The following FYB1 variants were observed in gnomAD, a reference collection of about 807,000 sequenced individuals.
FYB1 encodes FYN binding protein 1, also known as FYN-binding protein 1.
In FYB1, 41 loss-of-function variants were observed where a neutral mutation model predicts 94.1. That is an observed-to-expected ratio of 0.44 (90% CI 0.34 to 0.57). The LOEUF is 0.57. Ranked by LOEUF, FYB1 falls within the 20% of genes least tolerant of loss-of-function variation. The pLI, the probability that FYB1 is intolerant of heterozygous loss-of-function variation, is 0.02. For missense variants in FYB1, 1,050 were observed against 976.8 expected (o/e 1.07, Z -1.00); for synonymous variants, 367 against 353.2 (o/e 1.04, Z -0.44).
intron 16 of FYB1, among the ~76,000 whole-genome samples, chr5:39,113,341 TA>T (rs1313588675): frequency 1.3e-5 from 2 of 152,170 alleles, no homozygotes; most frequent in Non-Finnish European, 2.9e-5. Flanking sequence ...TTTAGCGCTG[TA>T]ATATTGTGAG....
intron 5 of FYB1, chr5:39,138,896 A>G: frequency 1.6e-6 from 1 of 612,160 alleles, no homozygotes; most frequent in South Asian, 1.8e-5. Context: ...CAGTAAAACA[A>G]CTATTGTATG....
intron 1 of FYB1, among the ~76,000 whole-genome samples, chr5:39,238,352 AT>A (rs1238236647): frequency 2.0e-5 from 3 of 151,868 alleles, no homozygotes; most frequent in East Asian, 1.9e-4. Context: ...AATGCATTAT[AT>A]TTTTTTAGGT....
chr5:39,204,512 A>T (rs1748669164), intron 1 of FYB1, among the ~76,000 whole-genome samples: 1 of 152,204 alleles, frequency 6.6e-6, no homozygotes, highest in South Asian at 2.1e-4. Flanking sequence ...GTTATGTAGC[A>T]ACTCCAGGCC....
At chr5:39,108,107 AT>A in intron 18 of FYB1, 123 bp downstream of exon 18, 1 of 929,134 alleles carries the variant, frequency 1.1e-6, no homozygotes, top group Non-Finnish European at 1.6e-6. Context: ...CTTTTCTAAC[AT>A]TTTCAAGTGA....
intron 18 of FYB1, among the ~76,000 whole-genome samples, 193 bp downstream of exon 18, chr5:39,108,038 T>G (rs753471913): frequency 3.3e-5 from 5 of 152,056 alleles, no homozygotes; most frequent in Non-Finnish European, 5.9e-5. Context: ...AGGTTTTTCC[T>G]TAATTTTCCA....
chr5:39,131,897 G>C (rs537957363), intron 9 of FYB1, among the ~76,000 whole-genome samples: 1 of 152,220 alleles, frequency 6.6e-6, no homozygotes, highest in East Asian at 1.9e-4. Context: ...TCCTAAAATG[G>C]CCTGTTTAGA....
Position 39,162,769 on chromosome 5 carries a change from C to T in FYB1, c.1136-9165G>A, listed in dbSNP as rs191699925. ...GAATACCTGTTTTACCATAACTTCA[C>T]TGGCATGTATATTATCACACATTTT... On this transcript the variant is annotated intron_variant, in intron 2 of 18. Transcript: ENST00000512982. 1.2e-4 allele frequency among the ~76,000 whole-genome samples: 18 copies of T among 151,654 alleles called. No individual in the cohort carries two copies. In the East Asian group the frequency reaches 2.7e-3, roughly 23 times the overall value.
intron 2 of FYB1, among the ~76,000 whole-genome samples, chr5:39,159,822 G>A (rs1744088669): frequency 6.6e-6 from 1 of 152,114 alleles, no homozygotes; most frequent in African/African-American, 2.4e-5. Context: ...ATTGCATCAA[G>A]CAAGAAACAT....
At chr5:39,166,286 A>C (rs1433194119) in intron 2 of FYB1, among the ~76,000 whole-genome samples, 1 of 152,010 alleles carries the variant, frequency 6.6e-6, no homozygotes, top group African/African-American at 2.4e-5. Context: ...AAAATACAAA[A>C]TTATCCGGGC....
At chr5:39,192,215 A>G (rs1747427994) in intron 2 of FYB1, among the ~76,000 whole-genome samples, 1 of 152,250 alleles carries the variant, frequency 6.6e-6, no homozygotes, top group African/African-American at 2.4e-5. Flanking sequence ...AAAGGAAGTC[A>G]GAAAGAGCCT....
At position 39,181,716 on chromosome 5, in the gene FYB1, C is replaced by T. The variant is rs75051705; in HGVS notation, c.1135+20110G>A. 7.9e-5 allele frequency among the ~76,000 whole-genome samples: 12 copies of T among 152,326 alleles called. No homozygotes were observed. In the East Asian group the frequency reaches 2.3e-3, roughly 29 times the overall value. On this transcript the variant is annotated intron_variant, in intron 2 of 18. Coordinates refer to ENST00000512982, the MANE Select transcript of FYB1 (RefSeq NM_001465.6). ...TAATTGTTTAAACTAGAATCTTAGG[C>T]ATCATCCTTGACACCTACTCATTCT...
At position 39,181,628 on chromosome 5, in the gene FYB1, T is replaced by G. The variant is rs184366804; in HGVS notation, c.1135+20198A>C. On this transcript the variant is annotated intron_variant, in intron 2 of 18. Coordinates refer to ENST00000512982, the MANE Select transcript of FYB1 (RefSeq NM_001465.6). ...TCAAAGATTCCTCAAATTGAACATGTTCAAAATAAAAATCATGGTCCTCCC... is the reference window on the plus strand; with the variant it reads ...TCAAAGATTCCTCAAATTGAACATGGTCAAAATAAAAATCATGGTCCTCCC... 6.6e-5 allele frequency among the ~76,000 whole-genome samples: 10 copies of G among 152,276 alleles called. No homozygotes were observed. In the East Asian group the frequency reaches 1.9e-3, roughly 29 times the overall value.
At chr5:39,129,962 G>T (rs1429896840) in intron 10 of FYB1, among the ~76,000 whole-genome samples, 1 of 151,928 alleles carries the variant, frequency 6.6e-6, no homozygotes, top group Non-Finnish European at 1.5e-5. Flanking sequence ...GCATCCCCAA[G>T]TGTATTGCAG....
chr5:39,256,023 A>G (rs1238866888), intron 1 of FYB1, among the ~76,000 whole-genome samples: 2 of 152,258 alleles, frequency 1.3e-5, no homozygotes, highest in African/African-American at 2.4e-5. Flanking sequence ...AACAGTTAAC[A>G]TAGTAAGTGC....
chr5:39,122,726 TAAAC>T (rs2150288254), intron 13 of FYB1, among the ~76,000 whole-genome samples: 1 of 152,232 alleles, frequency 6.6e-6, no homozygotes, highest in South Asian at 2.1e-4. Flanking sequence ...AAATTGCTGA[TAAAC>T]AAATCAACAT....
intron 2 of FYB1, among the ~76,000 whole-genome samples, chr5:39,164,350 A>G (rs1048523115): frequency 1.3e-5 from 2 of 152,218 alleles, no homozygotes; most frequent in African/African-American, 4.8e-5. Flanking sequence ...AATGTTGGCA[A>G]CTATTAAAAC....
chr5:39,188,378 G>A (rs754650377), intron 2 of FYB1, among the ~76,000 whole-genome samples: 1 of 152,044 alleles, frequency 6.6e-6, no homozygotes, highest in Non-Finnish European at 1.5e-5. Flanking sequence ...CTAACTGCTA[G>A]TATCTTGGTT....
intron 7 of FYB1, 30 bp downstream of exon 7, chr5:39,137,570 T>G: frequency 6.5e-7 from 1 of 1,528,268 alleles, no homozygotes; most frequent in Non-Finnish European, 8.8e-7. Flanking sequence ...AAGATGTTAT[T>G]CTTTCACTCA....
intron 1 of FYB1, among the ~76,000 whole-genome samples, chr5:39,272,623 G>A (rs1163475447): frequency 3.0e-5 from 4 of 133,124 alleles, no homozygotes; most frequent in African/African-American, 1.1e-4. Flanking sequence ...AGTGAGCCGA[G>A]ATTGCGCCAC....
Sources: gnomAD v4.1 joint callset for allele counts (sites outside exome capture counted in the v4.1 genomes callset) on GRCh38, gnomAD v4.1.1 for gene constraint, MANE v1.5 for transcripts, NCBI Gene and HGNC (gene_info 2026-07-23, HGNC 2026-07-21) for gene names.